Variants in NAALADL2 observed in about 807,000 individuals in gnomAD.
The protein encoded by NAALADL2 is inactive N-acetylated-alpha-linked acidic dipeptidase-like protein 2.
NAALADL2 carries 76 observed loss-of-function variants against 87.2 expected under a neutral mutation model. The ratio of observed to expected loss-of-function variants is 0.87; its 90% confidence interval spans 0.72 to 1.05. The LOEUF is 1.05. NAALADL2 is among the 50% of genes least tolerant of loss of function. The pLI is 0.00. For synonymous variants in NAALADL2, 354 were observed against 331.0 expected (o/e 1.07, Z -0.75); for missense variants, 1,089 against 945.8 (o/e 1.15, Z -1.99).
intron 9 of NAALADL2, among the ~76,000 whole-genome samples, chr3:175,479,725 C>G (rs1382650960): frequency 6.6e-6 from 1 of 151,758 alleles, no homozygotes; most frequent in Non-Finnish European, 1.5e-5. Context: ...AATTTATAGC[C>G]TTAAGTGTCT....
At chr3:175,337,142 T>C (rs1440389313) in intron 5 of NAALADL2, among the ~76,000 whole-genome samples, 1 of 152,106 alleles carries the variant, frequency 6.6e-6, no homozygotes. Context: ...TGGAATTACA[T>C]AAGACAATTA....
chr3:175,344,854 A>G (rs1326947007), intron 5 of NAALADL2, among the ~76,000 whole-genome samples: 1 of 152,180 alleles, frequency 6.6e-6, no homozygotes, highest in Non-Finnish European at 1.5e-5. Context: ...TAAATGTTGT[A>G]CAAGTATTTA....
chr3:175,439,473 T>C (rs901861706), intron 5 of NAALADL2, among the ~76,000 whole-genome samples: 4 of 150,644 alleles, frequency 2.7e-5, no homozygotes, highest in African/African-American at 9.7e-5. Context: ...CGTACAAGGG[T>C]TCCCTTTTCA....
intron 2 of NAALADL2, among the ~76,000 whole-genome samples, chr3:174,636,649 A>G (rs1390571791): frequency 1.3e-5 from 2 of 152,176 alleles, no homozygotes; most frequent in East Asian, 3.8e-4. Context: ...AAAAGTCAGA[A>G]AAAGAACGGA....
intron 2 of NAALADL2, among the ~76,000 whole-genome samples, chr3:174,558,449 T>G (rs1468764428): frequency 1.3e-5 from 2 of 152,040 alleles, no homozygotes; most frequent in Non-Finnish European, 2.9e-5. Flanking sequence ...GTACAATCAG[T>G]GGGAGCCCTG....
At chr3:174,487,694 T>A (rs1259897782) in intron 1 of NAALADL2, among the ~76,000 whole-genome samples, 3 of 144,436 alleles carry the variant, frequency 2.1e-5, no homozygotes, top group Non-Finnish European at 4.5e-5. Context: ...GGAGTAAGAG[T>A]GTTTTTTTTT....
At chr3:174,557,499 C>A (rs1712986039) in intron 2 of NAALADL2, among the ~76,000 whole-genome samples, 1 of 151,992 alleles carries the variant, frequency 6.6e-6, no homozygotes, top group South Asian at 2.1e-4. Flanking sequence ...TTCTTGAATT[C>A]TTTTTTTGCA....
chr3:175,141,804 T>G (rs1187094906), intron 2 of NAALADL2, among the ~76,000 whole-genome samples: 1 of 152,096 alleles, frequency 6.6e-6, no homozygotes, highest in Non-Finnish European at 1.5e-5. Flanking sequence ...TGTTCTGCTT[T>G]CAGATAATGT....
intron 2 of NAALADL2, among the ~76,000 whole-genome samples, chr3:174,615,310 G>A (rs1424147967): frequency 1.3e-5 from 2 of 152,148 alleles, no homozygotes; most frequent in African/African-American, 4.8e-5. Context: ...TCTAGTGATG[G>A]TTTAGACAGT....
intron 11 of NAALADL2, among the ~76,000 whole-genome samples, chr3:175,653,738 A>G (rs77704637): frequency 0.014 from 2,081 of 152,256 alleles, 53 homozygotes; most frequent in African/African-American, 0.048. Flanking sequence ...GCATCCTCAA[A>G]GGTGTAATCT....
At chr3:174,486,013 C>G (rs1233221169) in intron 1 of NAALADL2, among the ~76,000 whole-genome samples, 2 of 151,970 alleles carry the variant, frequency 1.3e-5, no homozygotes, top group South Asian at 2.1e-4. Context: ...GACCTAAAAA[C>G]AGAACTACCA....
At chr3:174,998,821 G>A (rs1747867169) in intron 1 of NAALADL2, among the ~76,000 whole-genome samples, 1 of 152,058 alleles carries the variant, frequency 6.6e-6, no homozygotes, top group South Asian at 2.1e-4. Flanking sequence ...TAATCTATTT[G>A]CATATGTAGG....
intron 9 of NAALADL2, among the ~76,000 whole-genome samples, chr3:175,526,207 C>T (rs1733393969): frequency 1.3e-5 from 2 of 152,124 alleles, no homozygotes; most frequent in Admixed American, 6.5e-5. Flanking sequence ...TAGAACAAGC[C>T]ATGCATTTTA....
chr3:174,696,406 G>A (rs1004120485), intron 2 of NAALADL2, among the ~76,000 whole-genome samples: 3 of 151,854 alleles, frequency 2.0e-5, no homozygotes, highest in African/African-American at 4.8e-5. Context: ...TGTTGTATGA[G>A]TGCTAGACTT....
chr3:175,190,981 C>A (rs1013652435), intron 2 of NAALADL2, among the ~76,000 whole-genome samples: 2,167 of 100,778 alleles, frequency 0.022, no homozygotes, highest in African/African-American at 0.032. Context: ...GACTCCGTCT[C>A]AAAAAAAAAA....
intron 3 of NAALADL2, among the ~76,000 whole-genome samples, chr3:174,840,428 T>C (rs1723891165): frequency 6.6e-6 from 1 of 152,038 alleles, no homozygotes; most frequent in Admixed American, 6.6e-5. Context: ...GTTTTTAAAA[T>C]GTTAAGGAAA....
intron 1 of NAALADL2, among the ~76,000 whole-genome samples, chr3:174,912,310 T>G (rs1733807312): frequency 6.7e-6 from 1 of 149,138 alleles, no homozygotes; most frequent in African/African-American, 2.5e-5. Context: ...TGTTTTAAAT[T>G]TTTTTTTTTC....
chr3:174,526,869 A>G (rs1478614943), intron 1 of NAALADL2, among the ~76,000 whole-genome samples: 1 of 151,452 alleles, frequency 6.6e-6, no homozygotes, highest in Non-Finnish European at 1.5e-5. Flanking sequence ...TGGAGACGGG[A>G]TTTTACTATG....
intron 1 of NAALADL2, among the ~76,000 whole-genome samples, chr3:175,073,671 T>C (rs1716060498): frequency 6.6e-6 from 1 of 152,130 alleles, no homozygotes; most frequent in Non-Finnish European, 1.5e-5. Context: ...CAGTTTTATG[T>C]CAACTAAATC....
Sources: allele counts gnomAD v4.1 joint callset (sites outside exome capture counted in the v4.1 genomes callset), GRCh38; gene constraint gnomAD v4.1.1; transcripts MANE v1.5; gene names NCBI Gene and HGNC (gene_info 2026-07-23, HGNC 2026-07-21).